ADAM10: variants seen among roughly 807,000 people sequenced by gnomAD.
ADAM10 encodes disintegrin and metalloproteinase domain-containing protein 10.
ADAM10 carries 17 observed loss-of-function variants against 90.1 expected under a neutral mutation model. The ratio of observed to expected loss-of-function variants is 0.19; its 90% CI spans 0.13 to 0.28. The LOEUF is 0.28. ADAM10 is among the 10% of genes least tolerant of loss of function. The pLI is 1.00. For missense variants in ADAM10, 610 were observed against 914.3 expected, an observed-to-expected ratio of 0.67 and a Z score of 4.29; for synonymous variants, 310 against 298.6, an observed-to-expected ratio of 1.04 and a Z score of -0.40.
intron 14 of ADAM10, among the ~76,000 whole-genome samples, chr15:58,603,399 T>C (rs1200778365): frequency 6.6e-6 from 1 of 152,116 alleles, no homozygotes; most frequent in Non-Finnish European, 1.5e-5. Context: ...ACAACAACCG[T>C]ACATTTCCAA....
chr15:58,620,634 T>C (rs1446538493), intron 11 of ADAM10, among the ~76,000 whole-genome samples: 1 of 151,984 alleles, frequency 6.6e-6, no homozygotes, highest in African/African-American at 2.4e-5. Context: ...AGTTACATTT[T>C]CACAATAAGT....
At chr15:58,638,681 C>T (rs1240891698) in intron 8 of ADAM10, among the ~76,000 whole-genome samples, 1 of 151,762 alleles carries the variant, frequency 6.6e-6, no homozygotes, top group African/African-American at 2.4e-5. Flanking sequence ...CAGAACTCTC[C>T]CCACCTCAGG....
At chr15:58,708,870 A>C (rs1259246095) in intron 2 of ADAM10, among the ~76,000 whole-genome samples, 1 of 152,254 alleles carries the variant, frequency 6.6e-6, no homozygotes, top group Non-Finnish European at 1.5e-5. Context: ...ACAAGTATCA[A>C]AAATGTATGT....
intron 1 of ADAM10, among the ~76,000 whole-genome samples, chr15:58,731,771 C>A (rs1899254033): frequency 6.6e-6 from 1 of 152,172 alleles, no homozygotes; most frequent in African/African-American, 2.4e-5. Flanking sequence ...CAGGGTGTTT[C>A]TTTAAGAGTG....
chr15:58,632,806 CA>C (rs1896139401), intron 9 of ADAM10, among the ~76,000 whole-genome samples: 1 of 151,588 alleles, frequency 6.6e-6, no homozygotes, highest in South Asian at 2.1e-4. Context: ...TTAACAGAAA[CA>C]AAACAAAAAA....
Position 58,649,732 on chromosome 15 carries a change from C to T in ADAM10, c.586-3528G>A, listed in dbSNP as rs548334944. Reference sequence around the variant, plus strand: ...CTTTTAAGATTATATCTTTGGCTTTCGGACTTCTCAAATAATGTGCTATGG... The same window carrying T: ...CTTTTAAGATTATATCTTTGGCTTTTGGACTTCTCAAATAATGTGCTATGG... On this transcript the variant is annotated intron_variant, in intron 5 of 15. Coordinates refer to ENST00000260408, the MANE Select transcript of ADAM10 (RefSeq NM_001110.4). 1.1e-3 allele frequency among the ~76,000 whole-genome samples: 162 copies of T among 152,240 alleles called. 1 individual carries two copies. The highest frequency in any genetic ancestry group is 9.4e-3 in the Admixed American group (144 of 15,296).
intron 2 of ADAM10, among the ~76,000 whole-genome samples, chr15:58,717,054 A>G (rs774359290): frequency 1.2e-4 from 18 of 152,224 alleles, no homozygotes; most frequent in South Asian, 2.1e-4. Context: ...TAAAGCATCT[A>G]GAACACAACA....
At chr15:58,661,867 A>G (rs1896976508) in intron 5 of ADAM10, among the ~76,000 whole-genome samples, 1 of 152,144 alleles carries the variant, frequency 6.6e-6, no homozygotes, top group Non-Finnish European at 1.5e-5. Flanking sequence ...TTTTAAGCCT[A>G]TCCACTAAAT....
In ADAM10 at chr15:58,592,686, A is replaced by G. The variant is rs1173970728; in HGVS notation, c.*4861T>C. 6.6e-6 allele frequency: 1 copy of G among 151,842 alleles called. No homozygotes were observed. The highest frequency in any genetic ancestry group is 1.5e-5 in the Non-Finnish European group (1 of 67,956). 9.4% of individuals were successfully genotyped at this position (151,842 alleles called of 1,614,324 possible). On this transcript the variant is annotated 3_prime_UTR_variant, in exon 16 of 16. Coordinates refer to ENST00000260408, the MANE Select transcript of ADAM10 (RefSeq NM_001110.4). ...CAACTGAATTAAGCATGAGTCTTCTATTATTGTTTCTAATACATTCATGTG... is the reference window on the plus strand; with the variant it reads ...CAACTGAATTAAGCATGAGTCTTCTGTTATTGTTTCTAATACATTCATGTG...
chr15:58,691,676 CTTT>C (rs71116587), intron 2 of ADAM10: 10,679 of 224,102 alleles, frequency 0.048, no homozygotes, highest in South Asian at 0.095. Context: ...ACTTCTTCTT[CTTT>C]TTTTTTTTTT....
At chr15:58,731,554 C>T (rs1048124461) in intron 1 of ADAM10, among the ~76,000 whole-genome samples, 2 of 152,118 alleles carry the variant, frequency 1.3e-5, no homozygotes, top group African/African-American at 4.8e-5. Context: ...CCTGAGCCCA[C>T]GAAGTCGAGG....
intron 10 of ADAM10, among the ~76,000 whole-genome samples, chr15:58,623,468 C>A (rs930577062): frequency 1.3e-5 from 2 of 152,166 alleles, no homozygotes; most frequent in African/African-American, 4.8e-5. Flanking sequence ...TGGAGGTCAT[C>A]GAAGCTTCAT....
chr15:58,730,377 T>C (rs1899196628), intron 1 of ADAM10, among the ~76,000 whole-genome samples: 1 of 152,240 alleles, frequency 6.6e-6, no homozygotes, highest in Admixed American at 6.5e-5. Flanking sequence ...GCTCATTCAT[T>C]TACATATTTT....
chr15:58,737,077 G>A (rs913750866), intron 1 of ADAM10, among the ~76,000 whole-genome samples: 2 of 152,072 alleles, frequency 1.3e-5, no homozygotes, highest in Admixed American at 1.3e-4. Context: ...GGAGAGCTTA[G>A]GAGAGCTCTC....
chr15:58,658,943 T>C (rs1047749022), intron 5 of ADAM10, among the ~76,000 whole-genome samples: 3 of 152,162 alleles, frequency 2.0e-5, no homozygotes, highest in African/African-American at 7.2e-5. Context: ...TGCCTTATTA[T>C]GGTGGCTAGG....
intron 9 of ADAM10, among the ~76,000 whole-genome samples, chr15:58,631,772 C>A (rs181731898): frequency 2.0e-5 from 3 of 152,270 alleles, no homozygotes; most frequent in Middle Eastern, 3.4e-3. Context: ...CAACTATGAA[C>A]AATAATTCTC....
chr15:58,693,871 A>C (rs1162036494), intron 2 of ADAM10, among the ~76,000 whole-genome samples: 1 of 152,164 alleles, frequency 6.6e-6, no homozygotes, highest in South Asian at 2.1e-4. Context: ...CTTACAAATC[A>C]ATAATAAGAC....
rs1183085703 is a variant in ADAM10 at position 58,670,198 on chromosome 15, T to TAA, written c.485-5003_485-5002dup. 4.4e-3 allele frequency among the ~76,000 whole-genome samples: 626 copies of TAA among 143,672 alleles called. 8 individuals carry two copies. The highest frequency in any genetic ancestry group is 4.8e-3 in the Non-Finnish European group (310 of 65,116). The allele number at this position is 143,672 out of a possible 152,430, so 94.3% of individuals were successfully genotyped here. A position where few individuals can be genotyped will look rare whatever the true frequency, so the allele number is the denominator to read the frequency against. On this transcript the variant is annotated intron_variant, in intron 4 of 15. Transcript: ENST00000260408. ...TGTAGACCCTGATTAAATCCTGTATTAAAAAAAAAAAAATAGGAGACATTT... is the reference window on the plus strand; with the variant it reads ...TGTAGACCCTGATTAAATCCTGTATTAAAAAAAAAAAAAAATAGGAGACATTT...
chr15:58,691,312 CA>C, intron 2 of ADAM10: 1 of 1,236,068 alleles, frequency 8.1e-7, no homozygotes, highest in Non-Finnish European at 1.2e-6. Context: ...CTCTTCCCAT[CA>C]AATTCCTTGA....
Sources: allele counts gnomAD v4.1 joint callset (sites outside exome capture counted in the v4.1 genomes callset), GRCh38; gene constraint gnomAD v4.1.1; transcripts MANE v1.5; gene names NCBI Gene and HGNC (gene_info 2026-07-23, HGNC 2026-07-21).